GSN: variants seen among roughly 807,000 people sequenced by gnomAD.
GSN encodes gelsolin, also known as actin-depolymerizing factor.
A neutral mutation model predicts 85.7 loss-of-function variants in GSN; 56 were observed. The observed-to-expected ratio is 0.65, with a 90% CI of 0.53 to 0.82. GSN has a LOEUF of 0.82. Among genes scored for constraint, GSN ranks in the 40% least tolerant of loss-of-function variants. The pLI, the probability that GSN is intolerant of heterozygous loss-of-function variation, is 0.00. For missense variants in GSN, 857 were observed against 979.8 expected (o/e 0.87, Z 1.67); for synonymous variants, 373 against 399.1 (o/e 0.93, Z 0.78).
intron 4 of GSN, among the ~76,000 whole-genome samples, chr9:121,226,884 A>C (rs1564342560): frequency 6.6e-6 from 1 of 152,210 alleles, no homozygotes; most frequent in African/African-American, 2.4e-5. Context: ...AAATGCAGTT[A>C]ATAATCGATC....
upstream of GSN, among the ~76,000 whole-genome samples, chr9:121,263,869 C>T (rs369245548): frequency 1.0e-4 from 13 of 128,814 alleles, no homozygotes; most frequent in South Asian, 7.7e-4. Context: ...AGCCTAGGAA[C>T]GAGAGGGAAA....
intron 10 of GSN, among the ~76,000 whole-genome samples, chr9:121,320,569 C>T (rs796862096): frequency 9.9e-5 from 15 of 151,398 alleles, no homozygotes; most frequent in African/African-American, 3.2e-4. Flanking sequence ...TGATTGAACC[C>T]GGGAGGCAGA....
In GSN at chr9:121,324,584, C is replaced by T. The variant is rs1319115307; in HGVS notation, c.1356C>T (p.Val452=). The T allele has an allele frequency of 7.1e-6, 11 of 1,545,630 alleles. No homozygotes were observed. Among genetic ancestry groups the T allele is most frequent in the Middle Eastern group, 2.3e-4 (1 of 4,442 alleles). The change falls in exon 12 of 18, where the codon GTC becomes GTT. Residue 452 remains valine (V), a synonymous_variant. Transcript: ENST00000432226. ...WQGAQSTQDE[V]AASAILTAQL... is the part of the protein sequence containing the mutation. ...GTGCCCAGTCTACCCAGGATGAGGT[C>T]GCTGCATCTGCCATCCTGACTGCTC...
chr9:121,316,645 A>AT (rs544705163), intron 7 of GSN, among the ~76,000 whole-genome samples: 172 of 151,956 alleles, frequency 1.1e-3, no homozygotes, highest in South Asian at 2.1e-3. Flanking sequence ...TACTTTTTGT[A>AT]TTTTTTGTAG....
chr9:121,243,867 T>C (rs2054651499), intron 5 of GSN, among the ~76,000 whole-genome samples: 1 of 152,228 alleles, frequency 6.6e-6, no homozygotes, highest in Non-Finnish European at 1.5e-5. Flanking sequence ...TGTGAGCCAC[T>C]GCACCTAGCC....
intron 4 of GSN, among the ~76,000 whole-genome samples, chr9:121,214,184 CCTTT>C (rs2054016157): frequency 1.3e-5 from 2 of 149,516 alleles, no homozygotes; most frequent in African/African-American, 2.5e-5. Context: ...CTCTCCTCCT[CCTTT>C]CTTTCCTTCC....
At chr9:121,305,573 G>A (rs2060316923) in intron 4 of GSN, among the ~76,000 whole-genome samples, 1 of 152,224 alleles carries the variant, frequency 6.6e-6, no homozygotes, top group Non-Finnish European at 1.5e-5. Flanking sequence ...CTGGTTCAGA[G>A]TAGACATTTG....
At chr9:121,246,233 G>C (rs1450414741) in intron 5 of GSN, among the ~76,000 whole-genome samples, 2 of 152,016 alleles carry the variant, frequency 1.3e-5, no homozygotes, top group African/African-American at 4.8e-5. Flanking sequence ...TTCTACATTT[G>C]AGTGGTTTTA....
intron 2 of GSN, chr9:121,300,028 G>GGCTCCC (rs755245402): frequency 2.0e-6 from 3 of 1,525,272 alleles, no homozygotes; most frequent in Non-Finnish European, 2.7e-6. Context: ...GGGGCCCCGG[G>GGCTCCC]GCTCCCGGAG....
Position 121,317,766 on chromosome 9 carries a change from C to G in GSN, c.886+548C>G, listed in dbSNP as rs58012342. ...TTCTGAGAGGACCCATCAATATCCT[C>G]CCCTGATTCTCTAAGGCTCATCTTG... is the stretch of plus-strand genomic sequence containing the variant. On this transcript the variant is annotated intron_variant, in intron 8 of 17. Transcript: ENST00000432226. 4.2e-3 allele frequency: 856 copies of G among 203,238 alleles called. 7 individuals carry two copies. The highest frequency in any genetic ancestry group is 0.019 in the African/African-American group (813 of 42,758). 12.6% of individuals were successfully genotyped at this position (203,238 alleles called of 1,614,324 possible). A position where few individuals can be genotyped will look rare whatever the true frequency, so the allele number is the denominator to read the frequency against.
intron 2 of GSN, among the ~76,000 whole-genome samples, chr9:121,293,314 G>A (rs1008876076): frequency 6.6e-6 from 1 of 152,086 alleles, no homozygotes; most frequent in African/African-American, 2.4e-5. Context: ...GACATGGGCC[G>A]ATTTTCCTGT....
In GSN at chr9:121,332,584, T is replaced by C. The variant is rs1289902736; in HGVS notation, c.2177T>C (p.Met726Thr). The C allele has an allele frequency of 1.2e-6, 2 of 1,613,782 alleles. No homozygotes were observed. Among genetic ancestry groups the C allele is most frequent in the Non-Finnish European group, 1.7e-6 (2 of 1,179,878 alleles). Residue 726 changes from methionine to threonine, a missense_variant, in exon 18 of 18, where the codon ATG becomes ACG. Coordinates refer to ENST00000432226, the MANE Select transcript of GSN (RefSeq NM_198252.3). This position sits in a 1 kb window ranked among gnomAD's most constrained non-coding sequence, Gnocchi z 4.8. ...YWSVDPLDRA[M>T]AELAA ...TCTGTGGACCCCTTGGACAGGGCCA[T>C]GGCTGAGCTGGCTGCCTGAGGAGGG...
At chr9:121,317,300 C>T (rs779616679) in intron 8 of GSN, 82 bp downstream of exon 8, 66 of 1,469,754 alleles carry the variant, frequency 4.5e-5, no homozygotes, top group Non-Finnish European at 5.6e-5. Flanking sequence ...ACTCAGCTCC[C>T]GGGGAGTGTG....
chr9:121,280,755 G>A (rs2057266536), intron 1 of GSN: 2 of 152,164 alleles, frequency 1.3e-5, no homozygotes, highest in East Asian at 1.9e-4. Flanking sequence ...CTGAGACTCC[G>A]AGAAGTGATG....
At chr9:121,290,989 C>T (rs954458855) in intron 2 of GSN, among the ~76,000 whole-genome samples, 2 of 151,954 alleles carry the variant, frequency 1.3e-5, no homozygotes, top group Non-Finnish European at 2.9e-5. Context: ...TTCCACGTAT[C>T]TGCTACCTTG....
chr9:121,291,220 T>C (rs144700382), intron 2 of GSN, among the ~76,000 whole-genome samples: 2,388 of 152,262 alleles, frequency 0.016, 32 homozygotes, highest in Middle Eastern at 0.082. Flanking sequence ...TATTAGGTTT[T>C]ATAAGTAATC....
At chr9:121,239,246 G>T in intron 5 of GSN, 2 of 365,956 alleles carry the variant, frequency 5.5e-6, no homozygotes, top group Non-Finnish European at 5.3e-6. Flanking sequence ...ATATCTGTTA[G>T]GATAACCAAT....
At chr9:121,265,464 C>A (rs961764207), upstream of GSN, among the ~76,000 whole-genome samples, 4 of 152,216 alleles carry the variant, frequency 2.6e-5, no homozygotes, top group African/African-American at 4.8e-5. Flanking sequence ...CTTCCAGCTC[C>A]AAATTCTAAT....
chr9:121,208,313 G>C (rs1200602793), intron 1 of GSN, among the ~76,000 whole-genome samples: 1 of 152,108 alleles, frequency 6.6e-6, no homozygotes, highest in Non-Finnish European at 1.5e-5. Flanking sequence ...CACACACTTA[G>C]GTTCCTGCCA....
Sources: allele counts gnomAD v4.1 joint callset (sites outside exome capture counted in the v4.1 genomes callset), GRCh38; gene constraint gnomAD v4.1.1; non-coding constraint Gnocchi (gnomAD v3.1); transcripts MANE v1.5; gene names NCBI Gene and HGNC (gene_info 2026-07-23, HGNC 2026-07-21).